SYNPO2: variants seen among roughly 807,000 people sequenced by gnomAD.
The protein encoded by SYNPO2 is synaptopodin-2.
SYNPO2 carries 56 observed loss-of-function variants against 85.0 expected under a neutral mutation model. The ratio of observed to expected loss-of-function variants is 0.66; its 90% confidence interval spans 0.53 to 0.82. The LOEUF is 0.82. Among genes scored for constraint, SYNPO2 ranks in the 40% least tolerant of loss-of-function variants. SYNPO2 has a pLI of 0.00. For synonymous variants in SYNPO2, 602 were observed against 591.1 expected (o/e 1.02, Z -0.27); for missense variants, 1,575 against 1,534.2 (o/e 1.03, Z -0.44).
At chr4:118,985,950 A>G (rs1178130624) in intron 1 of SYNPO2, among the ~76,000 whole-genome samples, 2 of 151,784 alleles carry the variant, frequency 1.3e-5, no homozygotes, top group South Asian at 2.1e-4. Flanking sequence ...GATGTGAACA[A>G]CTCTTCAGCA....
At chr4:119,028,695 A>T (rs1331991797) in intron 3 of SYNPO2, among the ~76,000 whole-genome samples, 1 of 152,096 alleles carries the variant, frequency 6.6e-6, no homozygotes, top group Admixed American at 6.5e-5. Flanking sequence ...ATTTCCTTGG[A>T]TTATATTTTA....
rs114665139 is a variant in SYNPO2, at chr4:118,952,223, T to C, written c.105+63082T>C. 5.6e-3 allele frequency among the ~76,000 whole-genome samples: 857 copies of C among 152,340 alleles called. 10 individuals carry two copies. The highest frequency in any genetic ancestry group is 0.02 in the African/African-American group (824 of 41,576). On this transcript the variant is annotated intron_variant, in intron 1 of 4. Transcript: ENST00000307142. ...ACAGACGATGTATGCAATCTGTCTA[T>C]CCACAGCAATAGGTATTTTCAATGG...
At chr4:118,905,791 C>T (rs532211276) in intron 1 of SYNPO2, among the ~76,000 whole-genome samples, 54 of 152,270 alleles carry the variant, frequency 3.5e-4, no homozygotes, top group Non-Finnish European at 7.1e-4. Context: ...ACCCGAGTCT[C>T]GAATTCTCAC....
chr4:119,056,659 T>C (rs999958331), intron 4 of SYNPO2, among the ~76,000 whole-genome samples: 6 of 152,064 alleles, frequency 3.9e-5, no homozygotes, highest in South Asian at 2.1e-4. Flanking sequence ...GAAATAGGAA[T>C]GTAATACACA....
chr4:118,890,739 G>GTGTGTC, intron 1 of SYNPO2, among the ~76,000 whole-genome samples: 1 of 57,586 alleles, frequency 1.7e-5, no homozygotes, highest in Middle Eastern at 0.012. Flanking sequence ...CTCTCTGTGT[G>GTGTGTC]TGTGTGTGTG....
At chr4:119,038,278 C>T in intron 4 of SYNPO2, 1 of 985,168 alleles carries the variant, frequency 1.0e-6, no homozygotes, top group Non-Finnish European at 1.2e-6. Flanking sequence ...AGGAAAGACT[C>T]CATTTCCCAA....
At chr4:118,962,106 T>C (rs1163180341) in intron 1 of SYNPO2, among the ~76,000 whole-genome samples, 1 of 152,192 alleles carries the variant, frequency 6.6e-6, no homozygotes, top group East Asian at 1.9e-4. Context: ...TGATGGTTCA[T>C]GTGGTTAGAC....
intron 1 of SYNPO2, among the ~76,000 whole-genome samples, chr4:118,893,015 A>T (rs1732426911): frequency 6.6e-6 from 1 of 152,196 alleles, no homozygotes; most frequent in South Asian, 2.1e-4. Flanking sequence ...CCAGAAACAT[A>T]GGTATTTCTA....
At chr4:118,958,831 A>C (rs1401789294) in intron 1 of SYNPO2, among the ~76,000 whole-genome samples, 1 of 152,150 alleles carries the variant, frequency 6.6e-6, no homozygotes, top group Non-Finnish European at 1.5e-5. Context: ...TTGAGCGTTA[A>C]GTTCTATGGT....
intron 1 of SYNPO2, among the ~76,000 whole-genome samples, chr4:119,022,867 C>T (rs1011962537): frequency 1.3e-5 from 2 of 151,786 alleles, no homozygotes; most frequent in African/African-American, 4.8e-5. Context: ...ACCTCCACCT[C>T]CCGGGCTCAT....
chr4:118,935,844 T>C (rs1335424949), intron 1 of SYNPO2, among the ~76,000 whole-genome samples: 1 of 152,248 alleles, frequency 6.6e-6, no homozygotes, highest in Non-Finnish European at 1.5e-5. Context: ...ATATTTACTA[T>C]TCATTAAGTG....
intron 1 of SYNPO2, among the ~76,000 whole-genome samples, chr4:118,894,037 A>T: frequency 6.7e-6 from 1 of 150,294 alleles, no homozygotes; most frequent in Non-Finnish European, 1.5e-5. Context: ...ATATATATAT[A>T]TATGAATATA....
intron 1 of SYNPO2, among the ~76,000 whole-genome samples, chr4:118,877,264 A>T (rs1175895527): frequency 1.3e-5 from 2 of 152,228 alleles, no homozygotes; most frequent in African/African-American, 4.8e-5. Context: ...AAACCCTGGA[A>T]GATAACCTAG....
chr4:118,897,692 A>T (rs945334647), intron 1 of SYNPO2, among the ~76,000 whole-genome samples: 1 of 152,214 alleles, frequency 6.6e-6, no homozygotes, highest in Non-Finnish European at 1.5e-5. Flanking sequence ...TCCCCATTAC[A>T]GGGGCACAAA....
chr4:118,964,288 A>AAC (rs1197977656), intron 1 of SYNPO2, among the ~76,000 whole-genome samples: 1 of 132,562 alleles, frequency 7.5e-6, no homozygotes, highest in African/African-American at 2.8e-5. Context: ...GTCTCTACAA[A>AAC]ACACACACAA....
chr4:118,901,162 C>A (rs1732742380), intron 1 of SYNPO2, among the ~76,000 whole-genome samples: 2 of 152,060 alleles, frequency 1.3e-5, no homozygotes, highest in South Asian at 4.1e-4. Flanking sequence ...ATTATTTTAG[C>A]CACTTTTAAT....
At chr4:118,886,585 A>T (rs1433197301), upstream of SYNPO2, among the ~76,000 whole-genome samples, 4 of 152,202 alleles carry the variant, frequency 2.6e-5, no homozygotes, top group African/African-American at 9.7e-5. Flanking sequence ...ACATTAACAC[A>T]TTCTTTTTTT....
chr4:118,905,443 C>CGTGTGTGTGTGT (rs3051210), intron 1 of SYNPO2, among the ~76,000 whole-genome samples: 167 of 150,248 alleles, frequency 1.1e-3, no homozygotes, highest in African/African-American at 4.0e-3. Context: ...TGTGTGTGTG[C>CGTGTGTGTGTGT]GTGTGTGTGT....
intron 4 of SYNPO2, among the ~76,000 whole-genome samples, chr4:119,045,835 C>G (rs965000123): frequency 1.3e-5 from 2 of 152,200 alleles, no homozygotes; most frequent in Non-Finnish European, 2.9e-5. Flanking sequence ...AGTATTGTCA[C>G]AGGCTCTAAC....
Sources: gnomAD v4.1 joint callset for allele counts (sites outside exome capture counted in the v4.1 genomes callset) on GRCh38, gnomAD v4.1.1 for gene constraint, MANE v1.5 for transcripts, NCBI Gene and HGNC (gene_info 2026-07-23, HGNC 2026-07-21) for gene names.